The following TGFBR3 variants were observed in gnomAD, a reference collection of about 807,000 sequenced individuals.
TGFBR3 encodes the protein transforming growth factor beta receptor type 3.
TGFBR3 carries 46 observed loss-of-function variants against 87.9 expected under a neutral mutation model. That is an observed-to-expected ratio of 0.52 (90% confidence interval 0.41 to 0.67). The LOEUF is 0.67. Ranked by LOEUF, TGFBR3 falls within the 30% of genes least tolerant of loss-of-function variation. TGFBR3 has a pLI of 0.00. For missense variants in TGFBR3, 866 were observed against 1,041.9 expected, an observed-to-expected ratio of 0.83 and a Z score of 2.32; for synonymous variants, 381 against 391.6, an observed-to-expected ratio of 0.97 and a Z score of 0.32.
intron 14 of TGFBR3, among the ~76,000 whole-genome samples, chr1:91,699,403 TTC>T (rs1023004653): frequency 4.7e-5 from 7 of 150,368 alleles, no homozygotes; most frequent in South Asian, 2.1e-4. Context: ...TACCTCCTAG[TTC>T]TCTCTCTCTT....
intron 2 of TGFBR3, among the ~76,000 whole-genome samples, chr1:91,801,493 C>T (rs1675627978): frequency 6.6e-6 from 1 of 152,088 alleles, no homozygotes; most frequent in African/African-American, 2.4e-5. Flanking sequence ...GCTACTGTGC[C>T]AACACTTTCT....
chr1:91,901,340 T>A (rs1356701991), intron 1 of TGFBR3, among the ~76,000 whole-genome samples: 1 of 152,130 alleles, frequency 6.6e-6, no homozygotes, highest in East Asian at 1.9e-4. Flanking sequence ...TTCTCCAGCA[T>A]GGAAGAAAAG....
intron 2 of TGFBR3, among the ~76,000 whole-genome samples, chr1:91,846,419 A>G (rs1316497648): frequency 2.0e-5 from 3 of 152,198 alleles, no homozygotes; most frequent in African/African-American, 7.2e-5. Flanking sequence ...CCAGGCTGAG[A>G]CCTGGCAGGT....
chr1:91,703,894 T>A (rs1251285179), intron 14 of TGFBR3, among the ~76,000 whole-genome samples: 1 of 152,230 alleles, frequency 6.6e-6, no homozygotes. Flanking sequence ...AATACTCTGC[T>A]AAACAGGTTA....
chr1:91,800,292 ATACATATATGCATGCATATATG>A (rs1485216405), intron 2 of TGFBR3, among the ~76,000 whole-genome samples: 3 of 145,504 alleles, frequency 2.1e-5, no homozygotes, highest in East Asian at 2.1e-4. Context: ...ACGCATATAT[ATACATATATGCATGCATATATG>A]TATATATATG....
At chr1:91,818,476 T>C (rs939633389) in intron 2 of TGFBR3, among the ~76,000 whole-genome samples, 2 of 152,134 alleles carry the variant, frequency 1.3e-5, no homozygotes, top group African/African-American at 4.8e-5. Flanking sequence ...CCCTGGTCCC[T>C]GGTGTTTTAA....
intron 16 of TGFBR3, among the ~76,000 whole-genome samples, chr1:91,689,840 TA>T (rs545760131): frequency 0.13 from 12,852 of 98,024 alleles, 576 homozygotes; most frequent in East Asian, 0.21. Context: ...AGAAACTGAT[TA>T]AAAAAAAAAA....
At chr1:91,708,860 C>A in intron 13 of TGFBR3, 77 bp from the exon 14 acceptor site, 1 of 1,580,070 alleles carries the variant, frequency 6.3e-7, no homozygotes, top group Non-Finnish European at 8.6e-7. Context: ...GCACAGCTGT[C>A]CTGTGGCCTT....
intron 4 of TGFBR3, among the ~76,000 whole-genome samples, chr1:91,735,211 C>T (rs1203095722): frequency 1.3e-5 from 2 of 152,216 alleles, no homozygotes; most frequent in East Asian, 3.8e-4. Flanking sequence ...GACTGCATTG[C>T]ACATTGAGTA....
chr1:91,712,374 G>T lies in TGFBR3; in HGVS notation c.2035C>A (p.Pro679Thr), dbSNP rs1571430989. ...YSPKRVHFPI[P>T]QADMDKKRFS... ...CGCTTCTTATCCATGTCAGCTTGCG[G>T]GATAGGAAAGTGCACTCTCTTGGGA... is the stretch of plus-strand genomic sequence containing the variant. Residue 679 changes from proline to threonine, a missense_variant, in exon 13 of 17, where the codon CCG becomes ACG. Pro to Thr is a conservative substitution (Grantham distance 38, BLOSUM62 -1). Coordinates refer to ENST00000212355, the MANE Select transcript of TGFBR3 (RefSeq NM_003243.5). The T allele has an allele frequency of 6.2e-7, 1 of 1,614,068 alleles. No individual in the cohort carries two copies. Among genetic ancestry groups the T allele is most frequent in the African/African-American group, 1.3e-5 (1 of 74,904 alleles).
At chr1:91,837,221 A>T (rs980026879) in intron 2 of TGFBR3, among the ~76,000 whole-genome samples, 2 of 149,326 alleles carry the variant, frequency 1.3e-5, no homozygotes, top group African/African-American at 4.9e-5. Context: ...AAGTAAGGAT[A>T]TTATTTATTT....
At chr1:91,776,370 C>T (rs1423224700) in intron 3 of TGFBR3, among the ~76,000 whole-genome samples, 1 of 152,144 alleles carries the variant, frequency 6.6e-6, no homozygotes, top group East Asian at 1.9e-4. Context: ...TGAATAAATG[C>T]CTAAGCCTTG....
intron 1 of TGFBR3, among the ~76,000 whole-genome samples, chr1:91,875,743 C>T (rs1398793699): frequency 3.2e-5 from 4 of 125,062 alleles, no homozygotes; most frequent in South Asian, 2.5e-4. Context: ...GAAAAATTAG[C>T]TGGGCATGGT....
chr1:91,681,314 T>C lies in TGFBR3; in HGVS notation c.*2425A>G, dbSNP rs1377166904. The C allele has an allele frequency of 2.2e-6, 1 of 445,464 alleles. No homozygotes were observed. The highest frequency in any genetic ancestry group is 4.5e-6 in the Non-Finnish European group (1 of 224,568). The allele number at this position is 445,464 out of a possible 1,614,324, so 27.6% of individuals were successfully genotyped here. A position where few individuals can be genotyped will look rare whatever the true frequency, so the allele number is the denominator to read the frequency against. ...ACGACATTCACTCTCCAATATGAGATTAGGTTTTATCGACACAGATTTCTT... is the reference window on the plus strand; with the variant it reads ...ACGACATTCACTCTCCAATATGAGACTAGGTTTTATCGACACAGATTTCTT... On this transcript the variant is annotated 3_prime_UTR_variant, in exon 17 of 17. Transcript: ENST00000212355.
intron 1 of TGFBR3, among the ~76,000 whole-genome samples, chr1:91,874,909 T>C (rs1410773323): frequency 6.6e-6 from 1 of 152,218 alleles, no homozygotes; most frequent in Non-Finnish European, 1.5e-5. Flanking sequence ...TGCTCTCTGG[T>C]TGTTCTCATC....
chr1:91,865,845 G>A (rs1361603274), intron 1 of TGFBR3, among the ~76,000 whole-genome samples: 4 of 151,788 alleles, frequency 2.6e-5, no homozygotes, highest in African/African-American at 9.7e-5. Flanking sequence ...CCAGGAGGCG[G>A]AGCTTGCAGT....
At chr1:91,857,793 G>A (rs191161785) in intron 2 of TGFBR3, among the ~76,000 whole-genome samples, 9 of 152,230 alleles carry the variant, frequency 5.9e-5, no homozygotes, top group Non-Finnish European at 8.8e-5. Flanking sequence ...AAAAAAATAG[G>A]GTGGGAACGA....
intron 2 of TGFBR3, among the ~76,000 whole-genome samples, chr1:91,815,360 G>A (rs1427497081): frequency 7.1e-6 from 1 of 141,490 alleles, no homozygotes; most frequent in Non-Finnish European, 1.6e-5. Context: ...TCCTGTCCTA[G>A]CTAATCCTCA....
chr1:91,729,150 TACAC>T (rs57364204), intron 6 of TGFBR3, among the ~76,000 whole-genome samples: 4,512 of 66,806 alleles, frequency 0.068, 395 homozygotes, highest in African/African-American at 0.1. Flanking sequence ...CACTCCAGCA[TACAC>T]ACACACACAC....
Sources: gnomAD v4.1 joint callset for allele counts (sites outside exome capture counted in the v4.1 genomes callset) on GRCh38, gnomAD v4.1.1 for gene constraint, MANE v1.5 for transcripts, NCBI Gene and HGNC (gene_info 2026-07-23, HGNC 2026-07-21) for gene names.